The following SLC15A5 variants were observed in gnomAD, a reference collection of about 807,000 sequenced individuals.
The protein encoded by SLC15A5 is solute carrier family 15 member 5, also known as Peptide/histidine transporter ENSP00000340402.
Under a neutral mutation model 56.1 loss-of-function variants are expected in SLC15A5, and 58 were observed. That is an observed-to-expected ratio of 1.03 (90% confidence interval 0.84 to 1.29). SLC15A5 has a LOEUF of 1.29. SLC15A5 is among the 50% of genes most tolerant of loss of function. SLC15A5 has a pLI of 0.00. For synonymous variants in SLC15A5, 264 were observed against 250.5 expected (o/e 1.05, Z -0.51); for missense variants, 681 against 672.1 (o/e 1.01, Z -0.15).
intron 2 of SLC15A5, among the ~76,000 whole-genome samples, chr12:16,259,897 C>CGGT (rs1555173548): frequency 3.5e-5 from 5 of 141,162 alleles, no homozygotes; most frequent in South Asian, 2.2e-4. Context: ...TGACACCACC[C>CGGT]GGGCGGGGGG....
chr12:16,189,574 AT>A lies in SLC15A5; in HGVS notation c.*93del. The A allele has an allele frequency of 9.2e-7, 1 of 1,090,298 alleles. No individual in the cohort carries two copies. Among genetic ancestry groups the A allele is most frequent in the Non-Finnish European group, 1.2e-6 (1 of 825,770 alleles). 67.5% of individuals were successfully genotyped at this position (1,090,298 alleles called of 1,614,324 possible). A position where few individuals can be genotyped will look rare whatever the true frequency, so the allele number is the denominator to read the frequency against. ...GATATTTGTAAAATCACCTCTGTAT[AT>A]ATTGGCTTTTACACTAAAACACATA... On this transcript the variant is annotated 3_prime_UTR_variant, in exon 9 of 9. Transcript: ENST00000344941.
In SLC15A5 at chr12:16,245,734, T is replaced by C. The variant is rs183158057; in HGVS notation, c.755-934A>G. On this transcript the variant is annotated intron_variant, in intron 3 of 8. Transcript: ENST00000344941. ...AATGGCATAATAAATGTGAAAATGT[T>C]TGTGTTTCTCCAAAGAAGGCTGCTA... is the stretch of plus-strand genomic sequence containing the variant. Among the ~76,000 whole-genome samples the C allele has an allele frequency of 1.2e-4, 19 of 152,290 alleles. No homozygotes were observed. In the East Asian group the frequency reaches 3.5e-3, roughly 28 times the overall value.
chr12:16,227,196 C>A (rs968878660), intron 5 of SLC15A5, among the ~76,000 whole-genome samples: 4 of 152,028 alleles, frequency 2.6e-5, no homozygotes, highest in African/African-American at 9.7e-5. Context: ...AAGGCTTATT[C>A]ATAGTAAAGT....
intron 2 of SLC15A5, among the ~76,000 whole-genome samples, chr12:16,267,092 T>A (rs1565675080): frequency 6.6e-6 from 1 of 152,224 alleles, no homozygotes; most frequent in East Asian, 1.9e-4. Context: ...TTACTTTTGG[T>A]GATTTGAAGA....
chr12:16,244,153 A>G (rs2136260522), intron 4 of SLC15A5, among the ~76,000 whole-genome samples: 1 of 152,290 alleles, frequency 6.6e-6, no homozygotes, highest in South Asian at 2.1e-4. Context: ...ATTTAAGAGT[A>G]CAGTGGAGGT....
chr12:16,194,933 T>G (rs1863878969), intron 7 of SLC15A5, among the ~76,000 whole-genome samples: 1 of 152,092 alleles, frequency 6.6e-6, no homozygotes, highest in South Asian at 2.1e-4. Context: ...GATGTTAGAT[T>G]ATTTTCACAA....
chr12:16,194,491 G>A lies in SLC15A5; in HGVS notation c.1484-38C>T, dbSNP rs1330445671. 6.7e-6 allele frequency: 9 copies of A among 1,336,240 alleles called. No homozygotes were observed. In the East Asian group the frequency reaches 1.8e-4, roughly 26 times the overall value. 82.8% of individuals were successfully genotyped at this position (1,336,240 alleles called of 1,614,324 possible). A position where few individuals can be genotyped will look rare whatever the true frequency, so the allele number is the denominator to read the frequency against. Reference sequence around the variant, plus strand: ...AATGTAATTGTTATTCAACTGCAGAGTTGTAAGTTTCTGTGAATATTTTAT... The same window carrying A: ...AATGTAATTGTTATTCAACTGCAGAATTGTAAGTTTCTGTGAATATTTTAT... On this transcript the variant is annotated intron_variant, in intron 7 of 8. Transcript: ENST00000344941.
At chr12:16,244,354 TA>T (rs1420830202) in intron 4 of SLC15A5, among the ~76,000 whole-genome samples, 1 of 152,204 alleles carries the variant, frequency 6.6e-6, no homozygotes, top group African/African-American at 2.4e-5. Context: ...CAGACATTTA[TA>T]GCTCCACAAA....
At chr12:16,277,281 CTTAA>C (rs755727394) in intron 1 of SLC15A5, 40 bp downstream of exon 1, 56 of 1,437,000 alleles carry the variant, frequency 3.9e-5, no homozygotes, top group Non-Finnish European at 4.5e-5. Context: ...CAAAAATCTA[CTTAA>C]TTAAGTCACA....
intron 7 of SLC15A5, among the ~76,000 whole-genome samples, chr12:16,205,608 CACATATATATACACAT>C (rs375955196): frequency 0.067 from 8,336 of 124,058 alleles, 499 homozygotes; most frequent in South Asian, 0.18. Context: ...CACACACACA[CACATATATATACACAT>C]ATATATATAC....
chr12:16,236,177 C>T (rs886824656), intron 5 of SLC15A5, among the ~76,000 whole-genome samples: 1 of 152,026 alleles, frequency 6.6e-6, no homozygotes, highest in African/African-American at 2.4e-5. Flanking sequence ...ATGCTCCATA[C>T]TGCAGGATTT....
In SLC15A5 at chr12:16,235,520, A is replaced by C. The variant is rs1291885440; in HGVS notation, c.1162+4161T>G. 6.6e-6 allele frequency among the ~76,000 whole-genome samples: 1 copy of C among 152,028 alleles called. No homozygotes were observed. Among genetic ancestry groups the C allele is most frequent in the Non-Finnish European group, 1.5e-5 (1 of 67,954 alleles). On this transcript the variant is annotated intron_variant, in intron 5 of 8. Transcript: ENST00000344941. The surrounding 1 kb of genome is among the most constrained non-coding windows in gnomAD (Gnocchi z 4.1). ...CTTCAGATTGCATATTAGATGATCT[A>C]CCTCACCTCTGATTTAATTCCAACT... is the stretch of plus-strand genomic sequence containing the variant.
rs989581992 is a variant in SLC15A5, at chr12:16,243,728, T to A, written c.975+852A>T. Among the ~76,000 whole-genome samples, 1 of 152,178 alleles carries A rather than the reference T, an allele frequency of 6.6e-6. No homozygotes were observed. The highest frequency in any genetic ancestry group is 1.5e-5 in the Non-Finnish European group (1 of 68,046). On this transcript the variant is annotated intron_variant, in intron 4 of 8. Coordinates refer to ENST00000344941, the MANE Select transcript of SLC15A5 (RefSeq NM_001170798.1). The surrounding 1 kb of genome is among the most constrained non-coding windows in gnomAD (Gnocchi z 4.4). The stretch of plus-strand genomic sequence containing the variant: ...CGCTTTCCCTTACACTACTATTAAC[T>A]GTGACCTACGGTGCCTCACCTCTAC...
chr12:16,265,663 T>G (rs1471092738), intron 2 of SLC15A5, among the ~76,000 whole-genome samples: 1 of 151,980 alleles, frequency 6.6e-6, no homozygotes, highest in Non-Finnish European at 1.5e-5. Flanking sequence ...TTGTATTTTT[T>G]GTAGAGATGG....
chr12:16,213,952 G>A (rs1864107078), intron 7 of SLC15A5, among the ~76,000 whole-genome samples: 1 of 152,092 alleles, frequency 6.6e-6, no homozygotes, highest in African/African-American at 2.4e-5. Flanking sequence ...TATTGCAAAA[G>A]TAACAAATGT....
chr12:16,221,061 G>C (rs1864183039), intron 6 of SLC15A5, among the ~76,000 whole-genome samples: 2 of 151,930 alleles, frequency 1.3e-5, no homozygotes, highest in African/African-American at 4.8e-5. Flanking sequence ...GTGATTCACT[G>C]TGTTTCCTTG....
chr12:16,248,630 G>C (rs919454436), intron 3 of SLC15A5, among the ~76,000 whole-genome samples: 2 of 152,078 alleles, frequency 1.3e-5, no homozygotes, highest in Non-Finnish European at 2.9e-5. Context: ...CTGAATGTTA[G>C]GATGGATACC....
Position 16,243,132 on chromosome 12 carries a change from A to G in SLC15A5, c.975+1448T>C, listed in dbSNP as rs1298277623. On this transcript the variant is annotated intron_variant, in intron 4 of 8. Transcript: ENST00000344941. The surrounding 1 kb of genome is among the most constrained non-coding windows in gnomAD (Gnocchi z 4.4). ...TAAGCAGACATAGATACGACAAAAC[A>G]AAGAGCATGGCTATGTTCTGATAAA... Among the ~76,000 whole-genome samples the G allele has an allele frequency of 1.3e-5, 2 of 152,234 alleles. No individual in the cohort carries two copies. The highest frequency in any genetic ancestry group is 4.8e-5 in the African/African-American group (2 of 41,452).
chr12:16,232,503 G>A (rs1229316752), intron 5 of SLC15A5, among the ~76,000 whole-genome samples: 3 of 152,084 alleles, frequency 2.0e-5, no homozygotes, highest in Non-Finnish European at 4.4e-5. Context: ...AAAGTACAAT[G>A]GTTGAAAAAG....
Sources: allele counts gnomAD v4.1 joint callset (sites outside exome capture counted in the v4.1 genomes callset), GRCh38; gene constraint gnomAD v4.1.1; non-coding constraint Gnocchi (gnomAD v3.1); transcripts MANE v1.5; gene names NCBI Gene and HGNC (gene_info 2026-07-23, HGNC 2026-07-21).